TCF12: variants seen among roughly 807,000 people sequenced by gnomAD.
The protein encoded by TCF12 is transcription factor 12, also known as DNA-binding protein HTF4.
In TCF12, 45 loss-of-function variants were observed where a neutral mutation model predicts 86.0. That is an observed-to-expected ratio of 0.52 (90% CI 0.41 to 0.67). The LOEUF (loss-of-function observed/expected upper bound fraction) is 0.67. Among genes scored for constraint, TCF12 ranks in the 30% least tolerant of loss-of-function variants. The pLI, the probability that TCF12 is intolerant of heterozygous loss-of-function variation, is 0.00. For missense variants in TCF12, 881 were observed against 859.9 expected, an observed-to-expected ratio of 1.02 and a Z score of -0.31; for synonymous variants, 330 against 299.6, an observed-to-expected ratio of 1.10 and a Z score of -1.05.
At chr15:57,072,882 G>A (rs1463304039) in intron 4 of TCF12, among the ~76,000 whole-genome samples, 1 of 152,158 alleles carries the variant, frequency 6.6e-6, no homozygotes, top group African/African-American at 2.4e-5. Context: ...TTTACTCTTA[G>A]TTCTGTTTGA....
intron 3 of TCF12, among the ~76,000 whole-genome samples, chr15:56,965,990 T>C (rs1219192702): frequency 1.3e-5 from 2 of 152,218 alleles, no homozygotes; most frequent in African/African-American, 4.8e-5. Context: ...TTACCAAATA[T>C]ATAGTTTTAC....
chr15:57,085,749 A>G (rs1013739154), intron 4 of TCF12, among the ~76,000 whole-genome samples: 7 of 152,134 alleles, frequency 4.6e-5, no homozygotes, highest in Non-Finnish European at 1.0e-4. Flanking sequence ...TTTCCATTTT[A>G]TTAATATTTC....
At chr15:57,098,902 G>T (rs1397356902) in intron 5 of TCF12, among the ~76,000 whole-genome samples, 1 of 152,162 alleles carries the variant, frequency 6.6e-6, no homozygotes, top group Non-Finnish European at 1.5e-5. Flanking sequence ...GAAAGAATAA[G>T]AACTGGAGAG....
chr15:57,235,968 G>A (rs1470251564), intron 12 of TCF12, among the ~76,000 whole-genome samples: 1 of 152,042 alleles, frequency 6.6e-6, no homozygotes, highest in Admixed American at 6.6e-5. Context: ...ATGGCATTTG[G>A]AAAAGAAAAC....
intron 13 of TCF12, among the ~76,000 whole-genome samples, chr15:57,244,827 C>T (rs1368785002): frequency 6.6e-6 from 1 of 151,800 alleles, no homozygotes; most frequent in Non-Finnish European, 1.5e-5. Flanking sequence ...TACTATCCTA[C>T]AGTATAAATT....
At chr15:57,275,477 T>C (rs1226409210) in intron 19 of TCF12, among the ~76,000 whole-genome samples, 3 of 124,458 alleles carry the variant, frequency 2.4e-5, no homozygotes, top group Non-Finnish European at 5.1e-5. Context: ...AAGGACACTC[T>C]TATGGCTGTC....
chr15:57,284,651 G>T (rs1344289518), intron 20 of TCF12, among the ~76,000 whole-genome samples: 1 of 152,250 alleles, frequency 6.6e-6, no homozygotes, highest in Non-Finnish European at 1.5e-5. Context: ...CCACCAAGCT[G>T]TGAAAAAGAG....
chr15:57,057,821 C>T (rs1188786664), intron 3 of TCF12, among the ~76,000 whole-genome samples: 1 of 152,106 alleles, frequency 6.6e-6, no homozygotes, highest in Admixed American at 6.5e-5. Flanking sequence ...TAATGCAGGT[C>T]AGAGATGATT....
intron 5 of TCF12, among the ~76,000 whole-genome samples, chr15:57,161,645 A>C (rs2054511913): frequency 6.6e-6 from 1 of 152,214 alleles, no homozygotes; most frequent in Admixed American, 6.5e-5. Flanking sequence ...CAGAAGGAAA[A>C]TCAGTGAACT....
intron 19 of TCF12, among the ~76,000 whole-genome samples, chr15:57,273,710 C>T (rs541857296): frequency 2.0e-5 from 3 of 152,200 alleles, no homozygotes; most frequent in East Asian, 3.9e-4. Context: ...TGTTATCATC[C>T]CTTCTGCCTT....
At chr15:57,241,628 T>C (rs1438733151) in intron 12 of TCF12, among the ~76,000 whole-genome samples, 2 of 152,246 alleles carry the variant, frequency 1.3e-5, no homozygotes. Context: ...TTGAAGTGCA[T>C]ATATCCATTT....
intron 5 of TCF12, among the ~76,000 whole-genome samples, chr15:57,125,895 A>G (rs890546107): frequency 1.3e-5 from 2 of 152,232 alleles, no homozygotes; most frequent in African/African-American, 4.8e-5. Flanking sequence ...ATGGTATTTT[A>G]TAATCTTTAG....
chr15:57,221,501 C>G lies in TCF12; in HGVS notation c.580-9651C>G, dbSNP rs189737707. ...TTTAGATTTTATTCTTTGGAAAGCA[C>G]AGGTTACTGTATTACATTTCTCTTT... On this transcript the variant is annotated intron_variant, in intron 8 of 20. Coordinates refer to ENST00000333725, the MANE Select transcript of TCF12 (RefSeq NM_207037.2). Among the ~76,000 whole-genome samples, 4 of 149,712 alleles carry G rather than the reference C, an allele frequency of 2.7e-5. No homozygotes were observed. In the East Asian group the frequency reaches 7.9e-4, roughly 29 times the overall value.
chr15:57,175,142 T>A (rs2055815532), intron 6 of TCF12, among the ~76,000 whole-genome samples: 1 of 152,128 alleles, frequency 6.6e-6, no homozygotes, highest in Admixed American at 6.5e-5. Flanking sequence ...GGCCAGGAGT[T>A]CAAATTGCCT....
intron 3 of TCF12, among the ~76,000 whole-genome samples, chr15:57,029,228 G>A (rs2066001692): frequency 6.6e-6 from 1 of 151,928 alleles, no homozygotes; most frequent in Non-Finnish European, 1.5e-5. Context: ...AGACTATCAT[G>A]TCTTCATTGA....
chr15:57,077,373 GTATA>G (rs1184728627), intron 4 of TCF12, among the ~76,000 whole-genome samples: 1 of 101,814 alleles, frequency 9.8e-6, no homozygotes, highest in African/African-American at 5.2e-5. Context: ...GTGTGTGTGT[GTATA>G]TATATTTTTT....
In TCF12 at chr15:57,170,737, A is replaced by ATTATATATAAC. The variant is rs1567559372; in HGVS notation, c.390+4271_390+4272insTTATATATAAC. On this transcript the variant is annotated intron_variant, in intron 6 of 20. Coordinates refer to ENST00000333725, the MANE Select transcript of TCF12 (RefSeq NM_207037.2). ...AATATATATATTATATATTATATAT[A>ATTATATATAAC]ATATATATTATATATTATATATTAT... Among the ~76,000 whole-genome samples the ATTATATATAAC allele has an allele frequency of 2.1e-3, 53 of 24,838 alleles. 3 individuals are homozygous for ATTATATATAAC. Among genetic ancestry groups the ATTATATATAAC allele is most frequent in the South Asian group, 6.5e-3 (7 of 1,078 alleles). 16.3% of individuals were successfully genotyped at this position (24,838 alleles called of 152,430 possible).
At chr15:57,203,216 C>G (rs1273438027) in intron 8 of TCF12, among the ~76,000 whole-genome samples, 2 of 152,114 alleles carry the variant, frequency 1.3e-5, no homozygotes, top group Non-Finnish European at 2.9e-5. Context: ...CCCTAGAATT[C>G]ATTCTAATTA....
chr15:57,155,660 G>A (rs988010537), intron 5 of TCF12, among the ~76,000 whole-genome samples: 1 of 152,102 alleles, frequency 6.6e-6, no homozygotes, highest in African/African-American at 2.4e-5. Flanking sequence ...ACCTATGTGG[G>A]TGTGTGTGCC....
Sources: allele counts gnomAD v4.1 joint callset (sites outside exome capture counted in the v4.1 genomes callset), GRCh38; gene constraint gnomAD v4.1.1; transcripts MANE v1.5; gene names NCBI Gene and HGNC (gene_info 2026-07-23, HGNC 2026-07-21).